PXDNL: variants seen among roughly 807,000 people sequenced by gnomAD.
The protein encoded by PXDNL is probable oxidoreductase PXDNL.
PXDNL carries 145 observed loss-of-function variants against 150.8 expected under a neutral mutation model. The ratio of observed to expected loss-of-function variants is 0.96; its 90% CI spans 0.84 to 1.10. The LOEUF (loss-of-function observed/expected upper bound fraction) is 1.10, where lower values mean the gene tolerates loss of function less well. PXDNL is among the 50% of genes least tolerant of loss of function. The pLI is 0.00. For synonymous variants in PXDNL, 757 were observed against 725.7 expected (o/e 1.04, Z -0.69); for missense variants, 2,087 against 1,873.9 (o/e 1.11, Z -2.10).
chr8:51,436,461 G>A, intron 12 of PXDNL: 1 of 354,758 alleles, frequency 2.8e-6, no homozygotes, highest in Non-Finnish European at 5.8e-6. Context: ...CGAAAGATGT[G>A]CAGAAACTGA....
chr8:51,736,832 T>C (rs949069628), intron 1 of PXDNL, among the ~76,000 whole-genome samples: 6 of 152,212 alleles, frequency 3.9e-5, no homozygotes, highest in Non-Finnish European at 8.8e-5. Context: ...AATGAAAATG[T>C]TTTGGAAAGC....
intron 5 of PXDNL, among the ~76,000 whole-genome samples, chr8:51,492,864 T>C (rs1355768339): frequency 1.3e-5 from 2 of 152,172 alleles, no homozygotes; most frequent in East Asian, 1.9e-4. Context: ...GGGCAGGGCA[T>C]AGCCAAACAA....
rs945875448 is a variant in PXDNL, at chr8:51,405,013, C to T, written c.3557+3054G>A. On this transcript the variant is annotated intron_variant, in intron 17 of 22. Transcript: ENST00000356297. ...CCCTGGGAGAATTCGAGCTCAGCAC[C>T]GGGACCCAGCGCACCCTCCGCAGCT... 7.2e-5 allele frequency among the ~76,000 whole-genome samples: 11 copies of T among 152,082 alleles called. No individual in the cohort carries two copies. In the South Asian group the frequency reaches 1.0e-3, roughly 14 times the overall value.
chr8:51,543,595 C>T (rs1585566391), intron 4 of PXDNL, among the ~76,000 whole-genome samples: 1 of 151,258 alleles, frequency 6.6e-6, no homozygotes, highest in Non-Finnish European at 1.5e-5. Context: ...ACCTGTAATC[C>T]CAGATACTTG....
chr8:51,581,038 G>A (rs1813200424), intron 3 of PXDNL, among the ~76,000 whole-genome samples: 1 of 152,120 alleles, frequency 6.6e-6, no homozygotes, highest in Non-Finnish European at 1.5e-5. Context: ...TAGGCAACAG[G>A]CAGAAAGGTG....
At chr8:51,805,061 C>T (rs954450076) in intron 1 of PXDNL, among the ~76,000 whole-genome samples, 5 of 151,870 alleles carry the variant, frequency 3.3e-5, no homozygotes, top group African/African-American at 7.3e-5. Context: ...TCAGTGACAG[C>T]CCACTTTCAG....
intron 14 of PXDNL, among the ~76,000 whole-genome samples, chr8:51,421,127 CAG>C (rs1284645600): frequency 6.6e-6 from 1 of 152,122 alleles, no homozygotes; most frequent in Non-Finnish European, 1.5e-5. Flanking sequence ...AAGAGCAAGA[CAG>C]AGGGGCAATA....
At chr8:51,791,084 A>C (rs2037509105) in intron 1 of PXDNL, among the ~76,000 whole-genome samples, 13 of 152,150 alleles carry the variant, frequency 8.5e-5, no homozygotes, top group Admixed American at 8.5e-4. Context: ...ACACCAAAGG[A>C]TTGAAGCTAC....
intron 8 of PXDNL, among the ~76,000 whole-genome samples, chr8:51,465,062 A>G (rs1351499591): frequency 6.6e-6 from 1 of 152,120 alleles, no homozygotes; most frequent in East Asian, 1.9e-4. Flanking sequence ...TATGAAGTGA[A>G]TATCATCCTG....
chr8:51,809,040 T>C, intron 1 of PXDNL, 141 bp downstream of exon 1: 1 of 809,212 alleles, frequency 1.2e-6, no homozygotes, highest in South Asian at 1.7e-5. Flanking sequence ...AACCATGAAA[T>C]TGTTTGAAAA....
chr8:51,388,158 AT>A (rs1363270825), intron 17 of PXDNL, among the ~76,000 whole-genome samples: 37 of 152,112 alleles, frequency 2.4e-4, no homozygotes, highest in African/African-American at 8.9e-4. Flanking sequence ...ATTAAAAGTA[AT>A]TTTTCAATGA....
rs528911470 is a variant in PXDNL, at chr8:51,603,278, G to A, written c.237-10580C>T. On this transcript the variant is annotated intron_variant, in intron 2 of 22. Transcript: ENST00000356297. ...TTCTGGGTAAATTTTAGGAACATCC[G>A]TCAAGCTTCAAAAATTTCCTTTGCA... is the stretch of plus-strand genomic sequence containing the variant. Among the ~76,000 whole-genome samples the A allele has an allele frequency of 3.6e-4, 54 of 151,628 alleles. No homozygotes were observed. The South Asian group carries it at 3.9e-3, about 11-fold the overall frequency.
At chr8:51,425,031 G>C (rs1809054400) in intron 13 of PXDNL, among the ~76,000 whole-genome samples, 1 of 152,156 alleles carries the variant, frequency 6.6e-6, no homozygotes, top group Non-Finnish European at 1.5e-5. Context: ...GGCCTAGTAG[G>C]TCCTTCCTTC....
At chr8:51,382,699 A>G (rs946330421) in intron 17 of PXDNL, among the ~76,000 whole-genome samples, 4 of 151,342 alleles carry the variant, frequency 2.6e-5, no homozygotes, top group Non-Finnish European at 4.4e-5. Context: ...AAAATAAGTT[A>G]AAAAAAAAGA....
intron 1 of PXDNL, among the ~76,000 whole-genome samples, chr8:51,743,026 A>C (rs1044941632): frequency 1.3e-5 from 2 of 152,206 alleles, no homozygotes; most frequent in African/African-American, 2.4e-5. Flanking sequence ...TAAACTATTC[A>C]TGCAACATTA....
At chr8:51,776,739 T>G (rs1031737710) in intron 1 of PXDNL, among the ~76,000 whole-genome samples, 1 of 152,108 alleles carries the variant, frequency 6.6e-6, no homozygotes, top group Non-Finnish European at 1.5e-5. Context: ...AATGATTCCC[T>G]CATTCTGCTT....
At chr8:51,420,099 A>G (rs1808908171) in intron 14 of PXDNL, among the ~76,000 whole-genome samples, 1 of 152,166 alleles carries the variant, frequency 6.6e-6, no homozygotes, top group African/African-American at 2.4e-5. Context: ...ACTTTTCATT[A>G]TTGTGCATTA....
chr8:51,348,990 AGTCT>A (rs1806251408), intron 19 of PXDNL, among the ~76,000 whole-genome samples: 2 of 152,248 alleles, frequency 1.3e-5, no homozygotes, highest in African/African-American at 4.8e-5. Flanking sequence ...TGGATGGATG[AGTCT>A]AGTGTGGAAA....
chr8:51,478,857 C>G (rs1213341545), intron 6 of PXDNL, among the ~76,000 whole-genome samples: 1 of 152,312 alleles, frequency 6.6e-6, no homozygotes, highest in East Asian at 1.9e-4. Context: ...AGTTTCCACC[C>G]CGTCTTGGAC....
Sources: allele counts gnomAD v4.1 joint callset (sites outside exome capture counted in the v4.1 genomes callset), GRCh38; gene constraint gnomAD v4.1.1; transcripts MANE v1.5; gene names NCBI Gene and HGNC (gene_info 2026-07-23, HGNC 2026-07-21).